Variants in SYT9 observed in about 807,000 individuals in gnomAD.
SYT9 encodes the protein synaptotagmin-9.
A neutral mutation model predicts 48.4 loss-of-function variants in SYT9; 22 were observed. The ratio of observed to expected loss-of-function variants is 0.45; its 90% CI spans 0.32 to 0.65. The LOEUF (loss-of-function observed/expected upper bound fraction) is 0.65, where lower values mean the gene tolerates loss of function less well. SYT9 is among the 30% of genes least tolerant of loss of function. The probability of loss-of-function intolerance (pLI) is 0.03; values close to 1 mark genes in which losing one functional copy is unlikely to be tolerated. For missense variants in SYT9, 577 were observed against 622.0 expected (o/e 0.93, Z 0.77); for synonymous variants, 265 against 245.0 (o/e 1.08, Z -0.76).
intron 3 of SYT9, among the ~76,000 whole-genome samples, chr11:7,376,325 T>G (rs1261926226): frequency 6.7e-6 from 1 of 148,878 alleles, no homozygotes; most frequent in Non-Finnish European, 1.5e-5. Context: ...TCTCTATCTC[T>G]CTTTCTCTCT....
chr11:7,268,532 C>A (rs1249353091), intron 1 of SYT9, among the ~76,000 whole-genome samples: 1 of 151,846 alleles, frequency 6.6e-6, no homozygotes, highest in Non-Finnish European at 1.5e-5. Context: ...ATTAAAAATA[C>A]TGATGTACTG....
At chr11:7,283,949 C>T (rs1848551476) in intron 1 of SYT9, among the ~76,000 whole-genome samples, 1 of 152,170 alleles carries the variant, frequency 6.6e-6, no homozygotes, top group Admixed American at 6.5e-5. Flanking sequence ...TTATGCTAAT[C>T]TCTTGCCACT....
At chr11:7,355,757 T>A (rs569877074) in intron 3 of SYT9, among the ~76,000 whole-genome samples, 38 of 152,362 alleles carry the variant, frequency 2.5e-4, no homozygotes, top group African/African-American at 7.9e-4. Context: ...GGAAGTCTTA[T>A]CAAGGTTAAG....
chr11:7,303,346 C>T lies in SYT9; in HGVS notation c.453C>T (p.Gly151=), dbSNP rs112591672. The T allele has an allele frequency of 2.3e-5, 37 of 1,612,726 alleles. No individual in the cohort carries two copies. The highest frequency in any genetic ancestry group is 2.8e-5 in the Non-Finnish European group (33 of 1,179,952). The change falls in exon 2 of 7, where the codon GGC becomes GGT. Residue 151 remains glycine (G), a synonymous_variant. Transcript: ENST00000318881. ...QTGIQENCAH[G]VRVQRQVTEP... ...GGATCCAGGAGAACTGTGCCCATGG[C>T]GTCCGCGTGCAGCGCCAAGTCACAG... is the stretch of plus-strand genomic sequence containing the variant.
chr11:7,356,926 A>C (rs991652380), intron 3 of SYT9, among the ~76,000 whole-genome samples: 8 of 152,206 alleles, frequency 5.3e-5, no homozygotes, highest in African/African-American at 1.9e-4. Context: ...GTGGACCGTA[A>C]GCAAATGATT....
intron 3 of SYT9, among the ~76,000 whole-genome samples, chr11:7,411,526 C>G (rs530225290): frequency 2.8e-4 from 42 of 151,890 alleles, no homozygotes; most frequent in Non-Finnish European, 5.0e-4. Context: ...GGCTTTTTTT[C>G]TTCACCACTT....
chr11:7,341,119 C>T (rs1436539262), intron 3 of SYT9, among the ~76,000 whole-genome samples: 2 of 152,128 alleles, frequency 1.3e-5, no homozygotes, highest in Non-Finnish European at 2.9e-5. Flanking sequence ...GAGATTCTAC[C>T]CAGTGAAGAG....
chr11:7,418,766 G>C (rs1847297480), intron 5 of SYT9, among the ~76,000 whole-genome samples: 1 of 152,142 alleles, frequency 6.6e-6, no homozygotes, highest in Non-Finnish European at 1.5e-5. Flanking sequence ...AGCCAATTGT[G>C]TATTTAAAGG....
chr11:7,398,146 A>T (rs11041350), intron 3 of SYT9, among the ~76,000 whole-genome samples: 1 of 151,932 alleles, frequency 6.6e-6, no homozygotes. Flanking sequence ...TTCTATTCCA[A>T]GTTTGCTGGA....
chr11:7,346,546 G>T (rs1479415957), intron 3 of SYT9, among the ~76,000 whole-genome samples: 1 of 152,190 alleles, frequency 6.6e-6, no homozygotes, highest in African/African-American at 2.4e-5. Flanking sequence ...CTCTGGGAGG[G>T]AAGAAACAGG....
At chr11:7,341,155 A>C (rs1171821652) in intron 3 of SYT9, among the ~76,000 whole-genome samples, 1 of 152,186 alleles carries the variant, frequency 6.6e-6, no homozygotes, top group African/African-American at 2.4e-5. Flanking sequence ...CCTGCATGAA[A>C]ATGCAGTCTT....
chr11:7,250,057 T>G (rs1306876953), upstream of SYT9, among the ~76,000 whole-genome samples: 1 of 152,164 alleles, frequency 6.6e-6, no homozygotes. Flanking sequence ...AACCATCCCA[T>G]GTGGCAACTC....
intron 3 of SYT9, among the ~76,000 whole-genome samples, chr11:7,324,374 A>G (rs1014129738): frequency 1.3e-5 from 2 of 151,696 alleles, no homozygotes; most frequent in Non-Finnish European, 2.9e-5. Flanking sequence ...TTTTAATTCT[A>G]TTAATTCTAT....
At chr11:7,436,851 T>G (rs921788922) in intron 6 of SYT9, among the ~76,000 whole-genome samples, 9 of 152,238 alleles carry the variant, frequency 5.9e-5, no homozygotes, top group African/African-American at 9.6e-5. Context: ...AGGAACCTAA[T>G]TACAGCTCAG....
chr11:7,464,821 G>T (rs972564818), intron 6 of SYT9, among the ~76,000 whole-genome samples: 5 of 152,046 alleles, frequency 3.3e-5, no homozygotes, highest in Admixed American at 2.0e-4. Context: ...GGTGGCTCAC[G>T]CCTGTAATCC....
chr11:7,356,473 A>G (rs1476669046), intron 3 of SYT9, among the ~76,000 whole-genome samples: 3 of 151,974 alleles, frequency 2.0e-5, no homozygotes, highest in Non-Finnish European at 4.4e-5. Context: ...CTTCCTCCCA[A>G]CCTTCCTTTG....
chr11:7,372,753 G>A (rs1192407034), intron 3 of SYT9, among the ~76,000 whole-genome samples: 1 of 152,044 alleles, frequency 6.6e-6, no homozygotes, highest in Admixed American at 6.6e-5. Context: ...TTCCAGCTAA[G>A]CAATTATATG....
At chr11:7,437,601 C>T (rs1272609986) in intron 6 of SYT9, 2 of 151,620 alleles carry the variant, frequency 1.3e-5, no homozygotes, top group African/African-American at 4.8e-5. Flanking sequence ...ACCAACTGCC[C>T]ATATTTTTAG....
At chr11:7,246,879 A>G (rs185109178) in intron 1 of SYT9, among the ~76,000 whole-genome samples, 231 of 152,260 alleles carry the variant, frequency 1.5e-3, no homozygotes, top group African/African-American at 5.3e-3. Flanking sequence ...TGAGGCATCT[A>G]TTTTAGTCTT....
Sources: allele counts gnomAD v4.1 joint callset (sites outside exome capture counted in the v4.1 genomes callset), GRCh38; gene constraint gnomAD v4.1.1; transcripts MANE v1.5; gene names NCBI Gene and HGNC (gene_info 2026-07-23, HGNC 2026-07-21).